Variants in CAPN5 observed in about 807,000 individuals in gnomAD.
The protein encoded by CAPN5 is calpain-5.
CAPN5 carries 54 observed loss-of-function variants against 73.0 expected under a neutral mutation model. The observed-to-expected ratio is 0.74, with a 90% CI of 0.59 to 0.93. The LOEUF (loss-of-function observed/expected upper bound fraction) is 0.93. Among genes scored for constraint, CAPN5 ranks in the 40% least tolerant of loss-of-function variants. The pLI is 0.00. For missense variants in CAPN5, 785 were observed against 882.9 expected, an observed-to-expected ratio of 0.89 and a Z score of 1.41; for synonymous variants, 335 against 356.9, an observed-to-expected ratio of 0.94 and a Z score of 0.69.
Position 77,123,656 on chromosome 11 carries a change from C to T in CAPN5, c.1741-32C>T, listed in dbSNP as rs115503200. ...TATATTGCTGGTCTTGGAGGTAGCCCGCCCCTCCCATGATCCTCTGTCTCT... is the reference window on the plus strand; with the variant it reads ...TATATTGCTGGTCTTGGAGGTAGCCTGCCCCTCCCATGATCCTCTGTCTCT... On this transcript the variant is annotated intron_variant, in intron 12 of 12. Transcript: ENST00000648180. 2,492 of 1,576,632 alleles carry T rather than the reference C, an allele frequency of 1.6e-3. 39 individuals carry two copies. In the African/African-American group the frequency reaches 0.029, roughly 18 times the overall value.
intron 3 of CAPN5, among the ~76,000 whole-genome samples, chr11:77,095,490 A>G (rs1256401454): frequency 5.9e-5 from 9 of 152,182 alleles, no homozygotes; most frequent in Non-Finnish European, 1.5e-5. Flanking sequence ...CCCAACGTAT[A>G]TGTCCCTGCT....
chr11:77,089,909 A>C (rs528775169), intron 2 of CAPN5, among the ~76,000 whole-genome samples: 1 of 152,042 alleles, frequency 6.6e-6, no homozygotes, highest in Non-Finnish European at 1.5e-5. Flanking sequence ...ACAAACAAAA[A>C]ACCTAGTCTA....
At chr11:77,080,962 A>T (rs1408577933) in intron 1 of CAPN5, among the ~76,000 whole-genome samples, 1 of 152,068 alleles carries the variant, frequency 6.6e-6, no homozygotes, top group Non-Finnish European at 1.5e-5. Flanking sequence ...TTCTGACCCA[A>T]CTCAGAACTT....
At chr11:77,098,833 C>T (rs1950247885) in intron 3 of CAPN5, among the ~76,000 whole-genome samples, 1 of 138,642 alleles carries the variant, frequency 7.2e-6, no homozygotes, top group Admixed American at 7.0e-5. Context: ...GGGGCTGACC[C>T]CCCCCACCTC....
At chr11:77,070,787 A>G (rs1949897169) in intron 1 of CAPN5, among the ~76,000 whole-genome samples, 1 of 151,972 alleles carries the variant, frequency 6.6e-6, no homozygotes, top group African/African-American at 2.4e-5. Flanking sequence ...GATCTAGGGG[A>G]GAGTCCATTC....
At position 77,120,915 on chromosome 11, in the gene CAPN5, T is replaced by G; in HGVS notation, c.1487+6T>G. On this transcript the variant is annotated splice_donor_region_variant and intron_variant, in intron 10 of 12. Transcript: ENST00000648180. ...GATGTGCCCTCCAACTGCCGGTACT[T>G]GGGGGCTGGCTTGAGGCCAGTGTGG... 1 of 1,610,078 alleles carries G rather than the reference T, an allele frequency of 6.2e-7. No individual in the cohort carries two copies. Among genetic ancestry groups the G allele is most frequent in the East Asian group, 2.2e-5 (1 of 44,748 alleles).
chr11:77,123,561 A>C, intron 12 of CAPN5, 127 bp from the exon 13 acceptor site: 1 of 774,018 alleles, frequency 1.3e-6, no homozygotes, highest in African/African-American at 1.7e-5. Context: ...CAGACAGCCC[A>C]GGGCCCCCGA....
intron 3 of CAPN5, among the ~76,000 whole-genome samples, chr11:77,110,690 G>A (rs2135471987): frequency 6.6e-6 from 1 of 152,372 alleles, no homozygotes; most frequent in Non-Finnish European, 1.5e-5. Context: ...CATTAGGGCA[G>A]TAGTACCTCT....
At position 77,099,867 on chromosome 11, in the gene CAPN5, G is replaced by A. The variant is rs185091013; in HGVS notation, c.297+6054G>A. 6.3e-4 allele frequency among the ~76,000 whole-genome samples: 96 copies of A among 151,970 alleles called. 1 individual carries two copies. The East Asian group carries it at 0.013, about 21-fold the overall frequency. On this transcript the variant is annotated intron_variant, in intron 3 of 12. Transcript: ENST00000648180. ...TGGTTTTTTTTTGAGTTGGAGTTTC[G>A]CTCTTGTCACCCAGGCTAGAGTGCA...
At chr11:77,105,903 C>T (rs1243651089) in intron 3 of CAPN5, among the ~76,000 whole-genome samples, 2 of 152,208 alleles carry the variant, frequency 1.3e-5, no homozygotes, top group African/African-American at 2.4e-5. Context: ...CGGCCTCCTG[C>T]CCAGGTCACA....
chr11:77,122,549 A>G, intron 11 of CAPN5, 27 bp from the exon 12 acceptor site: 23 of 750,054 alleles, frequency 3.1e-5, no homozygotes, highest in Non-Finnish European at 4.4e-5. Context: ...CCCCACCCTC[A>G]CCCCATCTCC....
chr11:77,093,876 T>C, intron 3 of CAPN5, 63 bp downstream of exon 3: 1 of 1,578,716 alleles, frequency 6.3e-7, no homozygotes, highest in African/African-American at 1.3e-5. Flanking sequence ...TGGCCCTCAC[T>C]GCCAGACAGG....
intron 4 of CAPN5, among the ~76,000 whole-genome samples, chr11:77,113,076 C>T (rs1174886871): frequency 6.6e-6 from 1 of 152,222 alleles, no homozygotes; most frequent in Non-Finnish European, 1.5e-5. Flanking sequence ...TAGCTGGGGG[C>T]AGAGGCAGCA....
chr11:77,089,229 C>T (rs1031731442), intron 2 of CAPN5, among the ~76,000 whole-genome samples: 2 of 152,188 alleles, frequency 1.3e-5, no homozygotes, highest in East Asian at 1.9e-4. Flanking sequence ...AGGACCATTT[C>T]GGAGGCAGTG....
chr11:77,103,006 A>G, intron 3 of CAPN5: 1 of 1,613,582 alleles, frequency 6.2e-7, no homozygotes, highest in South Asian at 1.1e-5. Context: ...TACCGCCTCA[A>G]CTTCACCCAG....
At chr11:77,071,981 C>G (rs1398804846) in intron 1 of CAPN5, among the ~76,000 whole-genome samples, 1 of 152,214 alleles carries the variant, frequency 6.6e-6, no homozygotes, top group Non-Finnish European at 1.5e-5. Flanking sequence ...CAAGGCCACG[C>G]CATACTGGGC....
At chr11:77,081,376 C>T (rs1950026589) in intron 1 of CAPN5, among the ~76,000 whole-genome samples, 1 of 152,196 alleles carries the variant, frequency 6.6e-6, no homozygotes, top group African/African-American at 2.4e-5. Context: ...CTCTGAATGA[C>T]ACATACTTCA....
rs1406515890 is a variant in CAPN5, at chr11:77,085,030, C to T, written c.144C>T (p.Ala48=). 1.1e-5 allele frequency: 17 copies of T among 1,613,446 alleles called. No homozygotes were observed. The highest frequency in any genetic ancestry group is 2.2e-5 in the East Asian group (1 of 44,898). The change falls in exon 2 of 13, where the codon GCC becomes GCT. Residue 48 remains alanine, a synonymous_variant. Transcript: ENST00000648180. ...SLYYKGTPGP[A]VRWKRPKGIC... is the part of the protein sequence containing the mutation. ...ACTATAAGGGCACGCCGGGGCCCGC[C>T]GTCAGGTGGAAGCGACCCAAGGTCA...
In CAPN5 at chr11:77,122,803, C is replaced by T. The variant is rs1308026390; in HGVS notation, c.1740+91C>T. 53 of 1,536,524 alleles carry T rather than the reference C, an allele frequency of 3.4e-5. 1 individual carries two copies. The highest frequency in any genetic ancestry group is 2.4e-4 in the Admixed American group (14 of 57,926). ...CAAGCCCAGGTGGAAGACCCTCTGACGAGGACCCAGGCATGCTGGGCTCTA... is the reference window on the plus strand; with the variant it reads ...CAAGCCCAGGTGGAAGACCCTCTGATGAGGACCCAGGCATGCTGGGCTCTA... On this transcript the variant is annotated intron_variant, in intron 12 of 12. Coordinates refer to ENST00000648180, the MANE Select transcript of CAPN5 (RefSeq NM_004055.5).
Sources: allele counts gnomAD v4.1 joint callset (sites outside exome capture counted in the v4.1 genomes callset), GRCh38; gene constraint gnomAD v4.1.1; transcripts MANE v1.5; gene names NCBI Gene and HGNC (gene_info 2026-07-23, HGNC 2026-07-21).